ZNF804B: variants seen among roughly 807,000 people sequenced by gnomAD.
The protein encoded by ZNF804B is zinc finger protein 804B, also known as zinc finger 804B.
Under a neutral mutation model 101.4 loss-of-function variants are expected in ZNF804B, and 80 were observed. The ratio of observed to expected loss-of-function variants is 0.79; its 90% CI spans 0.66 to 0.95. The LOEUF is 0.95. Ranked by LOEUF, ZNF804B falls within the 40% of genes least tolerant of loss-of-function variation. The pLI is 0.00. For missense variants in ZNF804B, 1,673 were observed against 1,561.9 expected (o/e 1.07, Z -1.20); for synonymous variants, 622 against 558.8 (o/e 1.11, Z -1.59).
intron 2 of ZNF804B, among the ~76,000 whole-genome samples, chr7:89,294,336 C>A (rs1417946626): frequency 2.0e-5 from 3 of 152,068 alleles, no homozygotes; most frequent in Non-Finnish European, 4.4e-5. Flanking sequence ...TAGCCAAGTA[C>A]AAAATTTGAG....
intron 1 of ZNF804B, among the ~76,000 whole-genome samples, chr7:89,038,118 A>G (rs1788957163): frequency 6.6e-6 from 1 of 152,186 alleles, no homozygotes; most frequent in African/African-American, 2.4e-5. Flanking sequence ...TCTTGTGTCA[A>G]TAATGGTGCA....
chr7:89,249,175 T>C (rs1789501624), intron 2 of ZNF804B, among the ~76,000 whole-genome samples: 1 of 152,150 alleles, frequency 6.6e-6, no homozygotes, highest in Non-Finnish European at 1.5e-5. Context: ...TATGGAAAGA[T>C]GTAGATAGCC....
intron 2 of ZNF804B, among the ~76,000 whole-genome samples, chr7:89,220,273 C>T (rs1166611011): frequency 1.3e-5 from 2 of 150,926 alleles, no homozygotes; most frequent in Non-Finnish European, 3.0e-5. Context: ...CTTCGTTTCT[C>T]TGACAAGGGC....
intron 1 of ZNF804B, among the ~76,000 whole-genome samples, chr7:88,994,905 A>G (rs1793898729): frequency 6.6e-6 from 1 of 152,128 alleles, no homozygotes; most frequent in African/African-American, 2.4e-5. Context: ...AACCATAAAA[A>G]TTAATTCCAG....
At chr7:89,114,522 T>C (rs1217011414) in intron 1 of ZNF804B, among the ~76,000 whole-genome samples, 1 of 152,208 alleles carries the variant, frequency 6.6e-6, no homozygotes, top group Non-Finnish European at 1.5e-5. Flanking sequence ...ACATGAAGTT[T>C]AGATATGGGT....
intron 1 of ZNF804B, among the ~76,000 whole-genome samples, chr7:89,126,425 C>T (rs1175491242): frequency 6.6e-6 from 1 of 151,934 alleles, no homozygotes; most frequent in African/African-American, 2.4e-5. Context: ...AATCAATCTC[C>T]AATCAATACA....
chr7:88,870,514 C>T (rs1211978031), intron 1 of ZNF804B, among the ~76,000 whole-genome samples: 2 of 151,908 alleles, frequency 1.3e-5, no homozygotes, highest in Non-Finnish European at 2.9e-5. Context: ...ACATTGAATT[C>T]CTAGAAGCCA....
intron 1 of ZNF804B, among the ~76,000 whole-genome samples, chr7:89,157,125 A>G (rs886728929): frequency 6.6e-6 from 1 of 152,226 alleles, no homozygotes; most frequent in Non-Finnish European, 1.5e-5. Flanking sequence ...CAGCAGTAAA[A>G]TAAGATTTGC....
At chr7:88,831,563 AAAAC>A (rs1257710205) in intron 1 of ZNF804B, among the ~76,000 whole-genome samples, 3 of 151,924 alleles carry the variant, frequency 2.0e-5, no homozygotes, top group Admixed American at 6.6e-5. Flanking sequence ...CGTTTTGACA[AAAAC>A]AAACAAAAAA....
chr7:88,985,968 C>T (rs1235824596), intron 1 of ZNF804B, among the ~76,000 whole-genome samples: 4 of 152,052 alleles, frequency 2.6e-5, no homozygotes, highest in Non-Finnish European at 5.9e-5. Context: ...CAAAATGATT[C>T]GTCACATGCC....
At chr7:88,875,597 A>G (rs1369146687) in intron 1 of ZNF804B, among the ~76,000 whole-genome samples, 4 of 152,058 alleles carry the variant, frequency 2.6e-5, no homozygotes, top group Admixed American at 2.0e-4. Context: ...ACACTCTCCC[A>G]AGACTAAACC....
intron 2 of ZNF804B, among the ~76,000 whole-genome samples, chr7:89,286,569 C>G (rs374106343): frequency 2.0e-5 from 3 of 152,092 alleles, no homozygotes; most frequent in Non-Finnish European, 4.4e-5. Context: ...TTCAAGATAT[C>G]GATCCTGGGG....
At chr7:89,270,257 G>A (rs1789870557) in intron 2 of ZNF804B, among the ~76,000 whole-genome samples, 1 of 152,150 alleles carries the variant, frequency 6.6e-6, no homozygotes, top group Admixed American at 6.6e-5. Context: ...GTGTAAGGAA[G>A]GGATCCACTT....
At chr7:88,999,507 T>C (rs1788253298) in intron 1 of ZNF804B, among the ~76,000 whole-genome samples, 1 of 152,042 alleles carries the variant, frequency 6.6e-6, no homozygotes. Context: ...CTTTGTAGTC[T>C]ACTCTGTCAT....
At chr7:89,016,984 C>A (rs1457627391) in intron 1 of ZNF804B, among the ~76,000 whole-genome samples, 1 of 152,198 alleles carries the variant, frequency 6.6e-6, no homozygotes, top group Non-Finnish European at 1.5e-5. Context: ...AATGTTCTTT[C>A]ATTTGTTTGT....
chr7:89,165,742 G>A (rs1017401924), intron 1 of ZNF804B, among the ~76,000 whole-genome samples: 15 of 151,910 alleles, frequency 9.9e-5, no homozygotes, highest in African/African-American at 3.1e-4. Flanking sequence ...TTAGACTCCG[G>A]GAACCAGAAT....
intron 1 of ZNF804B, among the ~76,000 whole-genome samples, chr7:89,123,915 G>A (rs939806606): frequency 7.2e-5 from 11 of 152,218 alleles, no homozygotes; most frequent in Non-Finnish European, 1.6e-4. Flanking sequence ...CCAAATATAC[G>A]ATGTGGCAAG....
intron 1 of ZNF804B, among the ~76,000 whole-genome samples, chr7:88,910,295 T>C (rs1792529243): frequency 6.6e-6 from 1 of 151,892 alleles, no homozygotes; most frequent in Non-Finnish European, 1.5e-5. Context: ...ACTGATAAAC[T>C]GAATAATGTC....
chr7:88,907,625 A>C (rs1007332489), intron 1 of ZNF804B, among the ~76,000 whole-genome samples: 1 of 151,950 alleles, frequency 6.6e-6, no homozygotes, highest in Non-Finnish European at 1.5e-5. Context: ...CGGACTAACT[A>C]AGTAGCCCAA....
Sources: gnomAD v4.1 joint callset for allele counts (sites outside exome capture counted in the v4.1 genomes callset) on GRCh38, gnomAD v4.1.1 for gene constraint, MANE v1.5 for transcripts, NCBI Gene and HGNC (gene_info 2026-07-23, HGNC 2026-07-21) for gene names.